The following GSE1 variants were observed in gnomAD, a reference collection of about 807,000 sequenced individuals.
GSE1 encodes Gse1 coiled-coil protein.
Under a neutral mutation model 112.6 loss-of-function variants are expected in GSE1, and 32 were observed. That is an observed-to-expected ratio of 0.28 (90% CI 0.21 to 0.38). The LOEUF is 0.38. Ranked by LOEUF, GSE1 falls within the 10% of genes least tolerant of loss-of-function variation. The probability of loss-of-function intolerance (pLI) is 1.00; values close to 1 mark genes in which losing one functional copy is unlikely to be tolerated. For synonymous variants in GSE1, 1,115 were observed against 735.6 expected, an observed-to-expected ratio of 1.52 and a Z score of -8.35; for missense variants, 2,348 against 1,699.2, an observed-to-expected ratio of 1.38 and a Z score of -6.71.
chr16:85,569,933 C>T (rs1598219823), intron 1 of GSE1, among the ~76,000 whole-genome samples: 1 of 152,116 alleles, frequency 6.6e-6, no homozygotes, highest in Non-Finnish European at 1.5e-5. Context: ...CTGCCTGAGC[C>T]CTAGGGGGTG....
At chr16:85,185,384 C>G (rs2074679240) in intron 1 of GSE1, 1 of 152,366 alleles carries the variant, frequency 6.6e-6, no homozygotes, top group Non-Finnish European at 1.5e-5. Flanking sequence ...CAGTGACTTT[C>G]TGGTTTCATG....
intron 2 of GSE1, among the ~76,000 whole-genome samples, chr16:85,434,392 G>GT (rs1890305861): frequency 6.6e-6 from 1 of 151,964 alleles, no homozygotes; most frequent in African/African-American, 2.4e-5. Context: ...CGCTTTACTT[G>GT]TATGTGTAAC....
At chr16:85,273,252 T>C (rs1354318209) in intron 1 of GSE1, among the ~76,000 whole-genome samples, 3 of 152,224 alleles carry the variant, frequency 2.0e-5, no homozygotes, top group Non-Finnish European at 2.9e-5. Flanking sequence ...TGCTAGGCCA[T>C]TGAGTCAGCG....
intron 1 of GSE1, among the ~76,000 whole-genome samples, chr16:85,348,407 G>C (rs2046787402): frequency 6.6e-6 from 1 of 152,186 alleles, no homozygotes; most frequent in African/African-American, 2.4e-5. Flanking sequence ...CACCTTTGCG[G>C]AGGAGGAAGC....
rs539994052 is a variant in GSE1, at chr16:85,419,688, G to A, written c.2464+62045G>A. Among the ~76,000 whole-genome samples the A allele has an allele frequency of 1.3e-5, 2 of 152,068 alleles. No individual in the cohort carries two copies. The highest frequency in any genetic ancestry group is 2.1e-4 in the South Asian group (1 of 4,808). On this transcript the variant is annotated intron_variant, in intron 2 of 2. Transcript: ENST00000637419. The surrounding 1 kb of genome is among the most constrained non-coding windows in gnomAD (Gnocchi z 6.5). The stretch of plus-strand genomic sequence containing the variant: ...CCTTTCTCATGCCTCGGGTGCAGTC[G>A]TGTGCAACGGTGAATGCACGTTGGA...
upstream of GSE1, chr16:85,554,820 C>A: frequency 1.1e-6 from 1 of 948,370 alleles, no homozygotes; most frequent in Non-Finnish European, 1.3e-6. Context: ...GGCGGGCGGC[C>A]AGAGCGCGGA....
intron 1 of GSE1, among the ~76,000 whole-genome samples, chr16:85,590,436 AGT>A (rs2046950391): frequency 6.7e-6 from 1 of 148,816 alleles, no homozygotes; most frequent in African/African-American, 2.5e-5. Flanking sequence ...CGTGTGAATG[AGT>A]GTGAGCATGT....
intron 2 of GSE1, among the ~76,000 whole-genome samples, chr16:85,376,083 C>T (rs12600083): frequency 0.062 from 9,384 of 152,106 alleles, 421 homozygotes; most frequent in East Asian, 0.12. Flanking sequence ...GAGCAACTGC[C>T]CCCAACCCTC....
At chr16:85,514,918 C>T (rs747019600) in intron 2 of GSE1, among the ~76,000 whole-genome samples, 4 of 152,146 alleles carry the variant, frequency 2.6e-5, no homozygotes, top group Admixed American at 6.5e-5. Context: ...TTTGCCCGTA[C>T]GTGTGTGTGG....
At chr16:85,428,775 T>C (rs11641607) in intron 2 of GSE1, among the ~76,000 whole-genome samples, 29,251 of 152,108 alleles carry the variant, frequency 0.19, 3,372 homozygotes, top group East Asian at 0.5. Context: ...TTACCAGGGG[T>C]CCAGTGGGTG....
At chr16:85,212,949 A>G (rs932970607) in intron 1 of GSE1, among the ~76,000 whole-genome samples, 1 of 152,130 alleles carries the variant, frequency 6.6e-6, no homozygotes, top group African/African-American at 2.4e-5. Context: ...GCAACATGGC[A>G]AGACCCCGTC....
At chr16:85,613,141 C>T (rs1567649265), upstream of GSE1, 7 of 1,274,834 alleles carry the variant, frequency 5.5e-6, no homozygotes, top group East Asian at 3.2e-5. Flanking sequence ...AAACCCGACA[C>T]CTCCCGCTGG....
intron 1 of GSE1, among the ~76,000 whole-genome samples, chr16:85,238,834 T>C (rs1904937143): frequency 6.6e-6 from 1 of 152,170 alleles, no homozygotes; most frequent in Non-Finnish European, 1.5e-5. Context: ...GCTCCTTCCT[T>C]CCAGTCCTTC....
chr16:85,656,808 G>A, intron 7 of GSE1, 143 bp downstream of exon 7: 1 of 1,205,976 alleles, frequency 8.3e-7, no homozygotes, highest in Non-Finnish European at 1.1e-6. Flanking sequence ...GCTGAACATG[G>A]AGTAGGGAGC....
chr16:85,486,983 C>A (rs2050862642), intron 2 of GSE1, among the ~76,000 whole-genome samples: 1 of 152,106 alleles, frequency 6.6e-6, no homozygotes, highest in African/African-American at 2.4e-5. Context: ...AGTATAGGCA[C>A]CCCAGGGACT....
intron 1 of GSE1, among the ~76,000 whole-genome samples, chr16:85,202,923 C>T (rs117426761): frequency 0.013 from 2,033 of 152,154 alleles, 23 homozygotes; most frequent in Non-Finnish European, 0.022. Flanking sequence ...AAGGTCAGAG[C>T]CAGCCCTCGT....
chr16:85,331,475 A>ATATATGTGTATATATGTG (rs1221000686), intron 1 of GSE1, among the ~76,000 whole-genome samples: 2 of 131,994 alleles, frequency 1.5e-5, no homozygotes, highest in African/African-American at 5.4e-5. Flanking sequence ...GTATATATGT[A>ATATATGTGTATATATGTG]TATATGTGTA....
intron 1 of GSE1, among the ~76,000 whole-genome samples, chr16:85,275,427 C>T (rs924039866): frequency 6.6e-6 from 1 of 152,200 alleles, no homozygotes; most frequent in Non-Finnish European, 1.5e-5. Context: ...CCCTTGGCAC[C>T]AGCAAGGAGC....
chr16:85,556,910 G>A lies in GSE1; in HGVS notation c.37+547G>A, dbSNP rs767182236. 3.5e-4 allele frequency among the ~76,000 whole-genome samples: 53 copies of A among 152,114 alleles called. No homozygotes were observed. The Middle Eastern group carries it at 0.014, about 39-fold the overall frequency. On this transcript the variant is annotated intron_variant, in intron 1 of 2. Coordinates refer to the GSE1 transcript ENST00000635906. ...TCCGCCGAGGTCGGAGGAGGGGGCC[G>A]GGGAAGCTCAGGAGGGTATTTGGCG...
Sources: allele counts gnomAD v4.1 joint callset (sites outside exome capture counted in the v4.1 genomes callset), GRCh38; gene constraint gnomAD v4.1.1; non-coding constraint Gnocchi (gnomAD v3.1); transcripts MANE v1.5; gene names NCBI Gene and HGNC (gene_info 2026-07-23, HGNC 2026-07-21).